TMEM217B: variants seen among roughly 807,000 people sequenced by gnomAD.
TMEM217B encodes putative transmembrane protein 217B.
the TMEM217B span, among the ~76,000 whole-genome samples, chr6:37,226,270 T>G: frequency 6.6e-6 from 1 of 150,748 alleles, no homozygotes; most frequent in Non-Finnish European, 1.5e-5. Flanking sequence ...ATTTTGTTTT[T>G]TTGAGACAGT....
chr6:37,221,096 T>C, the TMEM217B span, among the ~76,000 whole-genome samples: 1 of 152,168 alleles, frequency 6.6e-6, no homozygotes, highest in Non-Finnish European at 1.5e-5. Context: ...AAGCAACGAA[T>C]TCCCATTTCC....
At chr6:37,221,740 T>G in the TMEM217B span, among the ~76,000 whole-genome samples, 2 of 152,230 alleles carry the variant, frequency 1.3e-5, no homozygotes, top group Non-Finnish European at 2.9e-5. Flanking sequence ...GTTCTTGTTC[T>G]GTGTCCAAGA....
the TMEM217B span, chr6:37,218,069 A>G: frequency 3.0e-6 from 3 of 1,004,902 alleles, no homozygotes; most frequent in African/African-American, 3.5e-5. Flanking sequence ...AGTGGGGGGA[A>G]AAAAGGAAAT....
the TMEM217B span, chr6:37,218,318 G>T: frequency 1.7e-6 from 2 of 1,148,844 alleles, no homozygotes; most frequent in Non-Finnish European, 2.4e-6. Flanking sequence ...ACAGGTGTGT[G>T]CCGCCACGCC....
At chr6:37,247,378 G>A in the TMEM217B span, among the ~76,000 whole-genome samples, 7 of 130,638 alleles carry the variant, frequency 5.4e-5, no homozygotes, top group African/African-American at 5.9e-5. Flanking sequence ...AATAAAGGGC[G>A]AACTTTTTTA....
chr6:37,257,318 A>G, the TMEM217B span, among the ~76,000 whole-genome samples: 1 of 152,208 alleles, frequency 6.6e-6, no homozygotes, highest in Non-Finnish European at 1.5e-5. Flanking sequence ...GTCCCTGCTG[A>G]CCTTCCTTCA....
chr6:37,239,576 G>A, the TMEM217B span, among the ~76,000 whole-genome samples: 3 of 152,052 alleles, frequency 2.0e-5, no homozygotes, highest in African/African-American at 7.2e-5. Context: ...GTATTTCAGT[G>A]GTACCTAAGA....
chr6:37,251,812 C>T, the TMEM217B span, among the ~76,000 whole-genome samples: 27 of 151,994 alleles, frequency 1.8e-4, no homozygotes, highest in African/African-American at 4.6e-4. Context: ...TTATTTATTG[C>T]AGGAGATGGC....
chr6:37,227,814 G>A, the TMEM217B span, among the ~76,000 whole-genome samples: 33 of 151,718 alleles, frequency 2.2e-4, no homozygotes, highest in African/African-American at 6.5e-4. Flanking sequence ...ACATGCTTAC[G>A]TGAAGTAAAT....
At chr6:37,222,744 G>T in the TMEM217B span, among the ~76,000 whole-genome samples, 4 of 152,258 alleles carry the variant, frequency 2.6e-5, no homozygotes, top group Non-Finnish European at 4.4e-5. Context: ...GCTCCGTAGA[G>T]CCGGAGGTGG....
the TMEM217B span, among the ~76,000 whole-genome samples, chr6:37,236,949 A>G: frequency 1.1e-4 from 17 of 152,210 alleles, no homozygotes; most frequent in East Asian, 3.3e-3. Flanking sequence ...GGGCTTCTCC[A>G]TGGTCTCTCT....
At chr6:37,213,130 A>C in the TMEM217B span, 8,549 of 657,084 alleles carry the variant, frequency 0.013, 463 homozygotes, top group African/African-American at 0.12. Context: ...GCTGGAAGTT[A>C]AGGGACATGG....
the TMEM217B span, chr6:37,212,441 C>T: frequency 2.3e-6 from 1 of 431,196 alleles, no homozygotes; most frequent in Non-Finnish European, 4.7e-6. Context: ...TACAACATTC[C>T]CAGACGGACA....
chr6:37,252,599 G>A, the TMEM217B span, among the ~76,000 whole-genome samples: 1 of 45,402 alleles, frequency 2.2e-5, no homozygotes, highest in African/African-American at 1.5e-4. Context: ...ATGTGTGTGT[G>A]TGTGTGTGTA....
chr6:37,246,108 C>T, the TMEM217B span, among the ~76,000 whole-genome samples: 1 of 152,102 alleles, frequency 6.6e-6, no homozygotes, highest in East Asian at 1.9e-4. Context: ...GGCCAACAGG[C>T]TCTCATTTTC....
chr6:37,255,608 C>T, the TMEM217B span, among the ~76,000 whole-genome samples: 1 of 151,408 alleles, frequency 6.6e-6, no homozygotes, highest in African/African-American at 2.4e-5. Flanking sequence ...TGCTTGAGCC[C>T]AGGAGATGGA....
At chr6:37,235,307 G>A in the TMEM217B span, among the ~76,000 whole-genome samples, 1 of 152,128 alleles carries the variant, frequency 6.6e-6, no homozygotes, top group African/African-American at 2.4e-5. Context: ...GACCATTTAT[G>A]CTGCTATAAC....
At chr6:37,242,940 G>A in the TMEM217B span, among the ~76,000 whole-genome samples, 2 of 152,100 alleles carry the variant, frequency 1.3e-5, no homozygotes, top group Non-Finnish European at 2.9e-5. Context: ...ACCCCTAGCA[G>A]TCTTCTTCTC....
At chr6:37,256,789 C>T in the TMEM217B span, among the ~76,000 whole-genome samples, 1 of 152,076 alleles carries the variant, frequency 6.6e-6, no homozygotes, top group African/African-American at 2.4e-5. Context: ...AACAGTCCTT[C>T]GAAGGGACAA....
Sources: allele counts gnomAD v4.1 joint callset (sites outside exome capture counted in the v4.1 genomes callset), GRCh38; gene constraint gnomAD v4.1.1; transcripts MANE v1.5; gene names NCBI Gene and HGNC (gene_info 2026-07-23, HGNC 2026-07-21).